TSNARE1: variants seen among roughly 807,000 people sequenced by gnomAD.
TSNARE1 encodes the protein t-SNARE domain-containing protein 1.
A neutral mutation model predicts 62.0 loss-of-function variants in TSNARE1; 49 were observed. The ratio of observed to expected loss-of-function variants is 0.79; its 90% CI spans 0.63 to 1.00. The LOEUF is 1.00. TSNARE1 is among the 50% of genes least tolerant of loss of function. The pLI is 0.00. For synonymous variants in TSNARE1, 328 were observed against 294.4 expected (o/e 1.11, Z -1.17); for missense variants, 755 against 700.1 (o/e 1.08, Z -0.88).
intron 12 of TSNARE1, among the ~76,000 whole-genome samples, chr8:142,239,253 G>A (rs1817574865): frequency 6.6e-6 from 1 of 152,206 alleles, no homozygotes; most frequent in Non-Finnish European, 1.5e-5. Context: ...TCCCAGAGCA[G>A]ACACCCCTCC....
chr8:142,353,627 T>C (rs1376022995), intron 2 of TSNARE1, among the ~76,000 whole-genome samples: 1 of 151,780 alleles, frequency 6.6e-6, no homozygotes, highest in African/African-American at 2.4e-5. Flanking sequence ...GGGCTGGGGG[T>C]GGGAAACAAA....
At chr8:142,279,536 C>T (rs114032276) in intron 11 of TSNARE1, among the ~76,000 whole-genome samples, 1,977 of 152,316 alleles carry the variant, frequency 0.013, 39 homozygotes, top group African/African-American at 0.045. Context: ...TCTGGACACC[C>T]GGTGGGCACG....
rs536124902 is a variant in TSNARE1 at position 142,397,067 on chromosome 8, C to T, written c.-40+6037G>A. On this transcript the variant is annotated intron_variant, in intron 1 of 13. Transcript: ENST00000524325. ...GGCAGTGGCGAGGCAGCCCGAGGGTCTCACAGGAGAGAGGCAGCTCCGCCT... is the reference window on the plus strand; with the variant it reads ...GGCAGTGGCGAGGCAGCCCGAGGGTTTCACAGGAGAGAGGCAGCTCCGCCT... Among the ~76,000 whole-genome samples the T allele has an allele frequency of 1.7e-4, 24 of 141,618 alleles. 1 individual carries two copies. Among genetic ancestry groups the T allele is most frequent in the African/African-American group, 6.1e-4 (23 of 37,640 alleles). The allele number at this position is 141,618 out of a possible 152,430, so 92.9% of individuals were successfully genotyped here.
intron 10 of TSNARE1, among the ~76,000 whole-genome samples, chr8:142,299,783 TACAC>T: frequency 6.6e-6 from 1 of 152,324 alleles, no homozygotes; most frequent in African/African-American, 2.4e-5. Context: ...CACACATACA[TACAC>T]ACATGCTCAG....
intron 11 of TSNARE1, chr8:142,278,029 G>A: frequency 1.0e-6 from 1 of 985,344 alleles, no homozygotes; most frequent in Non-Finnish European, 1.2e-6. Context: ...TGGCCTCAAT[G>A]GGGGTGGATC....
intron 13 of TSNARE1, among the ~76,000 whole-genome samples, chr8:142,214,360 G>T (rs1815728126): frequency 6.6e-6 from 1 of 152,186 alleles, no homozygotes; most frequent in South Asian, 2.1e-4. Flanking sequence ...CCTTGGGGCT[G>T]CCCCACCCCT....
chr8:142,403,515 C>A (rs1421327232), upstream of TSNARE1: 1 of 152,120 alleles, frequency 6.6e-6, no homozygotes, highest in Admixed American at 6.5e-5. Flanking sequence ...GGACCTCACA[C>A]GGGCCAAAGC....
intron 12 of TSNARE1, among the ~76,000 whole-genome samples, chr8:142,261,706 G>C (rs1004824843): frequency 6.6e-6 from 1 of 152,098 alleles, no homozygotes; most frequent in African/African-American, 2.4e-5. Context: ...TTTAACGATT[G>C]CGTTTTCCCG....
At chr8:142,299,751 T>C (rs1825401711) in intron 10 of TSNARE1, among the ~76,000 whole-genome samples, 1 of 151,536 alleles carries the variant, frequency 6.6e-6, no homozygotes, top group South Asian at 2.1e-4. Context: ...CACACACACA[T>C]GCATACGTGC....
chr8:142,330,770 G>T, intron 6 of TSNARE1, 131 bp downstream of exon 6: 1 of 851,240 alleles, frequency 1.2e-6, no homozygotes, highest in Non-Finnish European at 1.9e-6. Context: ...GTGCGCACAT[G>T]TGTGTCCAGG....
intron 1 of TSNARE1, among the ~76,000 whole-genome samples, chr8:142,395,365 C>T (rs971682241): frequency 6.6e-6 from 1 of 152,170 alleles, no homozygotes; most frequent in Non-Finnish European, 1.5e-5. Flanking sequence ...CTCCTGACGG[C>T]GTCCCCCAGC....
chr8:142,222,507 C>T (rs1443310227), intron 13 of TSNARE1, among the ~76,000 whole-genome samples: 3 of 60,800 alleles, frequency 4.9e-5, no homozygotes, highest in Non-Finnish European at 7.1e-5. Context: ...CACTCATCCA[C>T]TCACTCACTC....
At chr8:142,254,609 C>A (rs1438109864) in intron 12 of TSNARE1, among the ~76,000 whole-genome samples, 1 of 152,190 alleles carries the variant, frequency 6.6e-6, no homozygotes, top group African/African-American at 2.4e-5. Flanking sequence ...CCTGGCAGAA[C>A]ACGCTTCCTC....
In TSNARE1 at chr8:142,291,083, C is replaced by T. The variant is rs1042501918; in HGVS notation, c.1291-6598G>A. On this transcript the variant is annotated intron_variant, in intron 10 of 13. Transcript: ENST00000524325. This position sits in a 1 kb window ranked among gnomAD's most constrained non-coding sequence, Gnocchi z 4.8. ...CTCTCCTGCCCAGGGAGATGAATTG[C>T]TGCTCGCCACCCGCTGCTCAGGACT... Among the ~76,000 whole-genome samples the T allele has an allele frequency of 6.6e-6, 1 of 152,100 alleles. No individual in the cohort carries two copies. Among genetic ancestry groups the T allele is most frequent in the South Asian group, 2.1e-4 (1 of 4,826 alleles).
chr8:142,312,437 C>A (rs1827748442), intron 9 of TSNARE1, among the ~76,000 whole-genome samples: 1 of 152,112 alleles, frequency 6.6e-6, no homozygotes, highest in Admixed American at 6.5e-5. Flanking sequence ...TTTGGAGAGA[C>A]AACATAGACA....
At chr8:142,360,144 C>T (rs1225268993) in intron 1 of TSNARE1, among the ~76,000 whole-genome samples, 1 of 152,164 alleles carries the variant, frequency 6.6e-6, no homozygotes, top group African/African-American at 2.4e-5. Flanking sequence ...GGTGGCGCCC[C>T]CAAGAACTCC....
chr8:142,273,136 G>T (rs567006655), intron 12 of TSNARE1: 1 of 985,268 alleles, frequency 1.0e-6, no homozygotes. Context: ...GCGGCACGGC[G>T]TCCATGGCAC....
chr8:142,315,656 G>A (rs1828418316), intron 7 of TSNARE1, among the ~76,000 whole-genome samples: 1 of 152,096 alleles, frequency 6.6e-6, no homozygotes, highest in Non-Finnish European at 1.5e-5. Context: ...GCCGGGGTGG[G>A]GCTGGACACG....
chr8:142,220,002 C>A (rs1394975163), intron 13 of TSNARE1, among the ~76,000 whole-genome samples: 3 of 152,242 alleles, frequency 2.0e-5, no homozygotes, highest in Non-Finnish European at 4.4e-5. Flanking sequence ...AGCCACTCTG[C>A]CCCAGTGTCC....
Sources: gnomAD v4.1 joint callset for allele counts (sites outside exome capture counted in the v4.1 genomes callset) on GRCh38, gnomAD v4.1.1 for gene constraint, Gnocchi (gnomAD v3.1) non-coding constraint, MANE v1.5 for transcripts, NCBI Gene and HGNC (gene_info 2026-07-23, HGNC 2026-07-21) for gene names.